Variants in FAM53A observed in about 807,000 individuals in gnomAD.
The protein encoded by FAM53A is family with sequence similarity 53 member A, also known as protein FAM53A.
FAM53A carries 28 observed loss-of-function variants against 26.6 expected under a neutral mutation model. The observed-to-expected ratio is 1.05, with a 90% CI of 0.78 to 1.45. The LOEUF (loss-of-function observed/expected upper bound fraction) is 1.45. Among genes scored for constraint, FAM53A ranks in the 40% most tolerant of loss-of-function variants. The pLI, the probability that FAM53A is intolerant of heterozygous loss-of-function variation, is 0.00. For synonymous variants in FAM53A, 290 were observed against 253.1 expected (o/e 1.15, Z -1.38); for missense variants, 650 against 575.8 (o/e 1.13, Z -1.32).
At chr4:1,580,164 C>T in the FAM53A span, 12 of 152,188 alleles carry the variant, frequency 7.9e-5, no homozygotes, top group Non-Finnish European at 1.8e-4. Flanking sequence ...TTACCTCCAA[C>T]AATTCATGGT....
the FAM53A span, among the ~76,000 whole-genome samples, chr4:1,609,355 C>G: frequency 6.6e-6 from 1 of 152,150 alleles, no homozygotes; most frequent in Non-Finnish European, 1.5e-5. Context: ...AAGGCCCAGG[C>G]CTGCACCTGC....
chr4:1,626,297 C>A (rs551847808), intron 1 of FAM53A, among the ~76,000 whole-genome samples: 1 of 152,350 alleles, frequency 6.6e-6, no homozygotes, highest in African/African-American at 2.4e-5. Flanking sequence ...CGGTGGCCGT[C>A]ACGAGCCGTC....
At chr4:1,604,385 G>A in the FAM53A span, among the ~76,000 whole-genome samples, 1,537 of 152,260 alleles carry the variant, frequency 0.01, 26 homozygotes, top group African/African-American at 0.033. Context: ...GTTTGAGGGC[G>A]CAGACCTGGA....
At chr4:1,612,901 C>A in the FAM53A span, among the ~76,000 whole-genome samples, 1 of 152,244 alleles carries the variant, frequency 6.6e-6, no homozygotes, top group African/African-American at 2.4e-5. Context: ...CTTACACACA[C>A]ATGCCAACAC....
chr4:1,607,594 T>C, the FAM53A span, among the ~76,000 whole-genome samples: 1 of 152,012 alleles, frequency 6.6e-6, no homozygotes, highest in African/African-American at 2.4e-5. Context: ...CCACCACTGA[T>C]GTCCCCTAAT....
At chr4:1,606,236 A>G in the FAM53A span, among the ~76,000 whole-genome samples, 1 of 151,132 alleles carries the variant, frequency 6.6e-6, no homozygotes, top group Admixed American at 6.6e-5. Context: ...TAGTAGAGAC[A>G]GGGTTTCACC....
chr4:1,617,958 G>A (rs542943904), exon 2 of FAM53A: 7 of 438,878 alleles, frequency 1.6e-5, no homozygotes, highest in Admixed American at 2.4e-5. Flanking sequence ...AAGTCGCTGC[G>A]ATGGTGCCAC....
At chr4:1,678,650 C>T (rs984863231) in intron 1 of FAM53A, among the ~76,000 whole-genome samples, 6 of 152,234 alleles carry the variant, frequency 3.9e-5, no homozygotes, top group Middle Eastern at 3.4e-3. Context: ...AGTTAAACCC[C>T]ACCTCTACTA....
chr4:1,641,494 G>A lies in FAM53A; in HGVS notation c.996C>T (p.Gly332=), dbSNP rs926863953. The A allele has an allele frequency of 4.3e-6, 7 of 1,614,098 alleles. No homozygotes were observed. The highest frequency in any genetic ancestry group is 1.6e-4 in the Middle Eastern group (1 of 6,084). The change falls in exon 5 of 5, where the codon GGC becomes GGT. Residue 332 remains glycine, a synonymous_variant. Coordinates refer to ENST00000308132, the MANE Select transcript of FAM53A (RefSeq NM_001174070.3). Reference sequence around the variant, plus strand: ...TCTGGCTGCAGCCAGGCATGGTGATGCCAGGGAGGCCCCGGGAGTCACATG... The same window carrying A: ...TCTGGCTGCAGCCAGGCATGGTGATACCAGGGAGGCCCCGGGAGTCACATG... The part of the protein sequence containing the change: ...SSPCDSRGLP[G]ITMPGCSQRG...
intron 1 of FAM53A, among the ~76,000 whole-genome samples, chr4:1,682,893 A>G (rs1052428915): frequency 6.6e-5 from 10 of 152,264 alleles, no homozygotes; most frequent in African/African-American, 2.4e-4. Context: ...ATAAGGACGC[A>G]TCCAAAGGGG....
At chr4:1,654,278 G>A (rs997189052) in intron 4 of FAM53A, among the ~76,000 whole-genome samples, 2 of 152,090 alleles carry the variant, frequency 1.3e-5, no homozygotes, top group African/African-American at 2.4e-5. Context: ...GAGCGCTGCC[G>A]GGCCCCCAGA....
chr4:1,674,407 C>T lies in FAM53A; in HGVS notation c.-164-5502G>A, dbSNP rs148539663. 7.4e-3 allele frequency among the ~76,000 whole-genome samples: 1,134 copies of T among 152,262 alleles called. 21 individuals are homozygous for T. Among genetic ancestry groups the T allele is most frequent in the African/African-American group, 0.025 (1,044 of 41,550 alleles). On this transcript the variant is annotated intron_variant, in intron 1 of 4. Transcript: ENST00000308132. ...GCATCTGGCCGGGCGCGGTGGCTCA[C>T]GCCTGTAATCCCAGCACTTTAGGAG...
intron 2 of FAM53A, among the ~76,000 whole-genome samples, chr4:1,665,807 G>A (rs1714179606): frequency 6.6e-6 from 1 of 152,248 alleles, no homozygotes; most frequent in South Asian, 2.1e-4. Context: ...ATGGACAAGT[G>A]CTCCACAAAG....
chr4:1,640,591 GCCTTAA>G lies in FAM53A; in HGVS notation c.*696_*701del, dbSNP rs1560131250. On this transcript the variant is annotated 3_prime_UTR_variant, in exon 5 of 5. Coordinates refer to ENST00000308132, the MANE Select transcript of FAM53A (RefSeq NM_001174070.3). ...TTAGGAAAAACTGAATCAAAATTAC[GCCTTAA>G]TGTTCCAAGCAACACGAAACCTACT... 3.1e-5 allele frequency: 11 copies of G among 357,180 alleles called. No homozygotes were observed. Among genetic ancestry groups the G allele is most frequent in the African/African-American group, 2.3e-4 (10 of 43,916 alleles). 22.1% of individuals were successfully genotyped at this position (357,180 alleles called of 1,614,324 possible).
At chr4:1,623,218 A>C (rs980271603) in intron 1 of FAM53A, among the ~76,000 whole-genome samples, 1 of 152,074 alleles carries the variant, frequency 6.6e-6, no homozygotes, top group African/African-American at 2.4e-5. Context: ...GGTAGAGGAG[A>C]CTGTGTCCAG....
At chr4:1,624,529 G>T (rs1715195537) in intron 1 of FAM53A, among the ~76,000 whole-genome samples, 1 of 152,156 alleles carries the variant, frequency 6.6e-6, no homozygotes, top group Non-Finnish European at 1.5e-5. Flanking sequence ...GGGACTCCAG[G>T]GCCCCCATTC....
At chr4:1,679,754 C>G (rs1715285968) in intron 1 of FAM53A, among the ~76,000 whole-genome samples, 1 of 151,150 alleles carries the variant, frequency 6.6e-6, no homozygotes, top group Non-Finnish European at 1.5e-5. Flanking sequence ...TTCACAGACC[C>G]CTCACCAACT....
chr4:1,631,197 G>C (rs948333648), intron 1 of FAM53A, among the ~76,000 whole-genome samples: 4 of 152,152 alleles, frequency 2.6e-5, no homozygotes, highest in African/African-American at 9.6e-5. Flanking sequence ...GACTTGGAGC[G>C]GGGCTGAGGC....
the FAM53A span, among the ~76,000 whole-genome samples, chr4:1,577,447 GC>G: frequency 2.0e-5 from 3 of 152,150 alleles, no homozygotes; most frequent in Non-Finnish European, 4.4e-5. Context: ...GGGGGCTACT[GC>G]CTGCTGGTCT....
Sources: allele counts gnomAD v4.1 joint callset (sites outside exome capture counted in the v4.1 genomes callset), GRCh38; gene constraint gnomAD v4.1.1; transcripts MANE v1.5; gene names NCBI Gene and HGNC (gene_info 2026-07-23, HGNC 2026-07-21).